Variants in CDYL observed in about 807,000 individuals in gnomAD.
The protein encoded by CDYL is chromodomain Y like, also known as chromodomain Y-like protein.
Under a neutral mutation model 47.3 loss-of-function variants are expected in CDYL, and 8 were observed. That is an observed-to-expected ratio of 0.17 (90% CI 0.10 to 0.31). CDYL has a LOEUF of 0.31. CDYL is among the 10% of genes least tolerant of loss of function. The pLI is 1.00. For synonymous variants in CDYL, 266 were observed against 265.0 expected, an observed-to-expected ratio of 1.00 and a Z score of -0.04; for missense variants, 471 against 701.4, an observed-to-expected ratio of 0.67 and a Z score of 3.71.
At chr6:4,750,482 G>A (rs1412918890) in intron 3 of CDYL, among the ~76,000 whole-genome samples, 3 of 152,036 alleles carry the variant, frequency 2.0e-5, no homozygotes, top group Admixed American at 6.5e-5. Context: ...GATTATAGGC[G>A]TGAGCCACCA....
chr6:4,753,120 C>T (rs114111643), intron 3 of CDYL, among the ~76,000 whole-genome samples: 157 of 152,006 alleles, frequency 1.0e-3, no homozygotes, highest in African/African-American at 3.7e-3. Context: ...CCATGTAGCT[C>T]GGGCTGGACT....
intron 1 of CDYL, among the ~76,000 whole-genome samples, chr6:4,715,302 C>CTG (rs78858606): frequency 0.28 from 43,318 of 152,028 alleles, 6,345 homozygotes; most frequent in African/African-American, 0.35. Context: ...TCCTTGTCAT[C>CTG]TGTGTCCACC....
chr6:4,874,327 T>C (rs183777009), intron 1 of CDYL, among the ~76,000 whole-genome samples: 1 of 152,330 alleles, frequency 6.6e-6, no homozygotes. Context: ...AGCGTTTCTT[T>C]TTTATATGTA....
At chr6:4,800,619 A>G (rs993111508) in intron 1 of CDYL, among the ~76,000 whole-genome samples, 24 of 152,298 alleles carry the variant, frequency 1.6e-4, no homozygotes, top group African/African-American at 5.8e-4. Flanking sequence ...TTATAGATCT[A>G]CCAATGACAA....
chr6:4,954,782 T>C lies in CDYL; in HGVS notation c.*726T>C, dbSNP rs564537130. 6.6e-6 allele frequency: 1 copy of C among 152,342 alleles called. No homozygotes were observed. The highest frequency in any genetic ancestry group is 2.4e-5 in the African/African-American group (1 of 41,582). The allele number at this position is 152,342 out of a possible 1,614,324, so 9.4% of individuals were successfully genotyped here. On this transcript the variant is annotated 3_prime_UTR_variant, in exon 7 of 7. Coordinates refer to ENST00000397588, the MANE Select transcript of CDYL (RefSeq NM_004824.4). Reference sequence around the variant, plus strand: ...AAGCTTGTTTTGCAGTATTAGTGAATCACTGAATAGCTTAAGTATGACTAT... The same window carrying C: ...AAGCTTGTTTTGCAGTATTAGTGAACCACTGAATAGCTTAAGTATGACTAT...
chr6:4,907,968 T>C (rs890717443), intron 2 of CDYL, among the ~76,000 whole-genome samples: 2 of 152,230 alleles, frequency 1.3e-5, no homozygotes, highest in Non-Finnish European at 2.9e-5. Context: ...TTGAGCTCCG[T>C]GTTCTCTACC....
chr6:4,716,019 C>T (rs571454912), intron 2 of CDYL: 45 of 1,317,202 alleles, frequency 3.4e-5, no homozygotes, highest in African/African-American at 7.5e-5. Context: ...GAGGCCGAGG[C>T]GGGCGGATCA....
chr6:4,856,483 C>T (rs927822602), intron 1 of CDYL, among the ~76,000 whole-genome samples: 1 of 152,138 alleles, frequency 6.6e-6, no homozygotes, highest in Admixed American at 6.5e-5. Flanking sequence ...GAAGGGCAGT[C>T]CACACATGTC....
rs1762244966 is a variant in CDYL, at chr6:4,895,459, GTATACATATATACGTA to G, written c.691+3085_691+3100del. Among the ~76,000 whole-genome samples, 24 of 4,574 alleles carry G rather than the reference GTATACATATATACGTA, an allele frequency of 5.2e-3. 9 individuals are homozygous for G. The highest frequency in any genetic ancestry group is 0.02 in the Admixed American group (2 of 98). The allele number at this position is 4,574 out of a possible 152,430, so 3.0% of individuals were successfully genotyped here. On this transcript the variant is annotated intron_variant, in intron 2 of 6. Transcript: ENST00000397588. ...TATACGTATATATGCATATATACATGTATACATATATACGTATATATGTATATATACATGTATACAT... is the reference window on the plus strand; with the variant it reads ...TATACGTATATATGCATATATACATGTATATGTATATATACATGTATACAT...
intron 3 of CDYL, among the ~76,000 whole-genome samples, chr6:4,761,117 A>G (rs1241065140): frequency 2.6e-5 from 4 of 152,186 alleles, no homozygotes; most frequent in Non-Finnish European, 4.4e-5. Context: ...GCTCCCAACT[A>G]TTGTACACAC....
intron 3 of CDYL, among the ~76,000 whole-genome samples, chr6:4,768,437 T>G (rs1758288365): frequency 6.6e-6 from 1 of 152,030 alleles, no homozygotes; most frequent in African/African-American, 2.4e-5. Flanking sequence ...CACCGCCTCA[T>G]GATGAGAGTA....
rs564842154 is a variant in CDYL at position 4,827,247 on chromosome 6, G to C, written c.24+50440G>C. ...TATATAATGTTTTTATATCCATTCT[G>C]CCAGTCTCTGCCTTCTGTCAGAAAA... On this transcript the variant is annotated intron_variant, in intron 1 of 6. Coordinates refer to ENST00000397588, the MANE Select transcript of CDYL (RefSeq NM_004824.4). Among the ~76,000 whole-genome samples, 196 of 152,104 alleles carry C rather than the reference G, an allele frequency of 1.3e-3. 1 individual carries two copies. The highest frequency in any genetic ancestry group is 4.4e-3 in the African/African-American group (181 of 41,468).
At position 4,954,833 on chromosome 6, in the gene CDYL, G is replaced by T. The variant is rs1561730335; in HGVS notation, c.*777G>T. 6.6e-6 allele frequency: 1 copy of T among 152,082 alleles called. No homozygotes were observed. The highest frequency in any genetic ancestry group is 1.5e-5 in the Non-Finnish European group (1 of 68,012). 9.4% of individuals were successfully genotyped at this position (152,082 alleles called of 1,614,324 possible). A position where few individuals can be genotyped will look rare whatever the true frequency, so the allele number is the denominator to read the frequency against. On this transcript the variant is annotated 3_prime_UTR_variant, in exon 7 of 7. Transcript: ENST00000397588. ...CTAAGTTATAAGTTAGTCTTTAGTG[G>T]GTTTTAAATAGTTTTTCTGACCCTT...
At chr6:4,889,403 T>C (rs1761979555) in intron 1 of CDYL, among the ~76,000 whole-genome samples, 5 of 152,180 alleles carry the variant, frequency 3.3e-5, no homozygotes, top group Non-Finnish European at 5.9e-5. Flanking sequence ...TTGTGTATTT[T>C]TAGTAGAGAC....
At chr6:4,855,828 A>T (rs1760991677) in intron 1 of CDYL, among the ~76,000 whole-genome samples, 1 of 152,226 alleles carries the variant, frequency 6.6e-6, no homozygotes, top group Non-Finnish European at 1.5e-5. Flanking sequence ...ACCTGCAGTT[A>T]GAAAAATGTA....
At chr6:4,939,242 A>G (rs1239010908) in intron 4 of CDYL, among the ~76,000 whole-genome samples, 1 of 152,078 alleles carries the variant, frequency 6.6e-6, no homozygotes, top group Non-Finnish European at 1.5e-5. Context: ...TAGCACCTAA[A>G]CCCTTCTAGA....
At chr6:4,904,123 A>T (rs940321125) in intron 2 of CDYL, among the ~76,000 whole-genome samples, 1 of 152,240 alleles carries the variant, frequency 6.6e-6, no homozygotes. Flanking sequence ...GGCCCCTCGC[A>T]GTGTTGAAAG....
At chr6:4,721,056 TAAAA>T (rs1165316481) in intron 2 of CDYL, among the ~76,000 whole-genome samples, 1 of 150,920 alleles carries the variant, frequency 6.6e-6, no homozygotes, top group African/African-American at 2.5e-5. Flanking sequence ...TCTGAGGAGC[TAAAA>T]AATACCAATA....
intron 1 of CDYL, among the ~76,000 whole-genome samples, chr6:4,874,140 C>T (rs808637): frequency 0.023 from 3,438 of 152,138 alleles, 126 homozygotes; most frequent in African/African-American, 0.078. Flanking sequence ...AGACAGAAAA[C>T]GGTTCACTTT....
Sources: allele counts gnomAD v4.1 joint callset (sites outside exome capture counted in the v4.1 genomes callset), GRCh38; gene constraint gnomAD v4.1.1; transcripts MANE v1.5; gene names NCBI Gene and HGNC (gene_info 2026-07-23, HGNC 2026-07-21).